The following NAP1L1 variants were observed in gnomAD, a reference collection of about 807,000 sequenced individuals.
NAP1L1 encodes nucleosome assembly protein 1-like 1.
Under a neutral mutation model 58.9 loss-of-function variants are expected in NAP1L1, and 9 were observed. That is an observed-to-expected ratio of 0.15 (90% CI 0.09 to 0.27). The LOEUF is 0.27. Among genes scored for constraint, NAP1L1 ranks in the 10% least tolerant of loss-of-function variants. The pLI, the probability that NAP1L1 is intolerant of heterozygous loss-of-function variation, is 1.00. For missense variants in NAP1L1, 302 were observed against 458.8 expected (o/e 0.66, Z 3.12); for synonymous variants, 130 against 138.3 (o/e 0.94, Z 0.42).
At position 76,048,213 on chromosome 12, in the gene NAP1L1, T is replaced by C. The variant is rs1948665232; in HGVS notation, c.*216A>G. The stretch of plus-strand genomic sequence containing the variant: ...CAAATTATGTAGCAATGAATGAACA[T>C]GCGTGACAGAATTTGTGCATTCAAC... On this transcript the variant is annotated 3_prime_UTR_variant, in exon 15 of 15. Transcript: ENST00000618691. 8 of 487,118 alleles carry C rather than the reference T, an allele frequency of 1.6e-5. No homozygotes were observed. Among genetic ancestry groups the C allele is most frequent in the Non-Finnish European group, 2.2e-5 (6 of 275,596 alleles). The allele number at this position is 487,118 out of a possible 1,614,324, so 30.2% of individuals were successfully genotyped here.
chr12:76,064,033 T>G (rs1463887419), intron 4 of NAP1L1, among the ~76,000 whole-genome samples: 1 of 151,096 alleles, frequency 6.6e-6, no homozygotes, highest in African/African-American at 2.4e-5. Flanking sequence ...CCAGGCATGA[T>G]GATATGTACC....
chr12:76,050,707 A>C (rs971403835), intron 11 of NAP1L1, 54 bp from the exon 12 acceptor site: 2 of 1,565,494 alleles, frequency 1.3e-6, no homozygotes, highest in Admixed American at 1.9e-5. Flanking sequence ...GTGTTACTTA[A>C]TTTGGCACAT....
intron 1 of NAP1L1, among the ~76,000 whole-genome samples, chr12:76,081,705 A>C (rs1179669597): frequency 1.3e-5 from 2 of 152,258 alleles, no homozygotes; most frequent in East Asian, 3.8e-4. Context: ...GCCATTTTCT[A>C]TGGCAAGCCC....
In NAP1L1 at chr12:76,045,184, A is replaced by T. The variant is rs1948588342; in HGVS notation, c.*3245T>A. On this transcript the variant is annotated 3_prime_UTR_variant, in exon 15 of 15. Coordinates refer to ENST00000618691, the MANE Select transcript of NAP1L1 (RefSeq NM_004537.7). ...TCTAAAGCTCCTATGAAGAACTTAC[A>T]CTCTTCTGCACTACCAATCTATTCT... The T allele has an allele frequency of 6.6e-6, 1 of 152,002 alleles. No homozygotes were observed. The highest frequency in any genetic ancestry group is 1.5e-5 in the Non-Finnish European group (1 of 67,932). The allele number at this position is 152,002 out of a possible 1,614,324, so 9.4% of individuals were successfully genotyped here.
At chr12:76,053,070 A>C in intron 11 of NAP1L1, 21 bp downstream of exon 11, 8 of 1,590,884 alleles carry the variant, frequency 5.0e-6, no homozygotes, top group Non-Finnish European at 6.9e-6. Flanking sequence ...AATTCAATAA[A>C]TATATAACAA....
At chr12:76,054,111 C>T (rs139208450) in intron 8 of NAP1L1, among the ~76,000 whole-genome samples, 1 of 152,200 alleles carries the variant, frequency 6.6e-6, no homozygotes, top group Non-Finnish European at 1.5e-5. Context: ...CTCACTGCAA[C>T]CTTTGCCTCC....
In NAP1L1 at chr12:76,069,608, G is replaced by A. The variant is rs1351191530; in HGVS notation, c.18-614C>T. 3.9e-5 allele frequency among the ~76,000 whole-genome samples: 6 copies of A among 152,300 alleles called. No homozygotes were observed. The East Asian group carries it at 1.2e-3, about 29-fold the overall frequency. On this transcript the variant is annotated intron_variant, in intron 2 of 14. Transcript: ENST00000618691. ...CACCAGCTAAAGAAAAAGGAGTTAG[G>A]AAAACAGAAGAGTCCTGGATCCCTT... is the stretch of plus-strand genomic sequence containing the variant.
At chr12:76,057,117 A>G in intron 6 of NAP1L1, 1 of 186,206 alleles carries the variant, frequency 5.4e-6, no homozygotes. Flanking sequence ...CCTAGGCAAG[A>G]AGACTCTGCC....
intron 6 of NAP1L1, chr12:76,057,559 T>C (rs914277453): frequency 4.5e-6 from 4 of 880,304 alleles, no homozygotes; most frequent in Non-Finnish European, 7.5e-6. Context: ...CGTTTCCGAT[T>C]CCAATAGGGC....
intron 1 of NAP1L1, among the ~76,000 whole-genome samples, chr12:76,078,992 T>TACACACACACACACACACACACACAC (rs753522753): frequency 2.0e-5 from 3 of 149,374 alleles, no homozygotes; most frequent in African/African-American, 7.6e-5. Context: ...CATATATATA[T>TACACACACACACACACACACACACAC]ATACACACAC....
chr12:76,037,337 T>C lies in NAP1L1; in HGVS notation c.*11092A>G, dbSNP rs1166064624. On this transcript the variant is annotated 3_prime_UTR_variant, in exon 15 of 15. Coordinates refer to ENST00000618691, the MANE Select transcript of NAP1L1 (RefSeq NM_004537.7). Reference sequence around the variant, plus strand: ...GTAACAGCTTAAAGCAAGTGCTTTATAATGAGTGCTTAGCGCTTTTTTTTA... The same window carrying C: ...GTAACAGCTTAAAGCAAGTGCTTTACAATGAGTGCTTAGCGCTTTTTTTTA... The C allele has an allele frequency of 6.6e-6, 1 of 152,248 alleles. No homozygotes were observed. The highest frequency in any genetic ancestry group is 2.4e-5 in the African/African-American group (1 of 41,442). The allele number at this position is 152,248 out of a possible 1,614,324, so 9.4% of individuals were successfully genotyped here.
chr12:76,072,918 A>G (rs1421442092), intron 2 of NAP1L1, among the ~76,000 whole-genome samples: 1 of 152,228 alleles, frequency 6.6e-6, no homozygotes, highest in East Asian at 1.9e-4. Flanking sequence ...AGGTACTAAC[A>G]AACCGAGAAA....
At chr12:76,048,932 C>T (rs1948699208) in intron 14 of NAP1L1, 4 of 487,568 alleles carry the variant, frequency 8.2e-6, no homozygotes, top group Non-Finnish European at 1.1e-5. Context: ...TGTTACAAAT[C>T]GTCCCATTAA....
chr12:76,063,721 G>A (rs538637761), intron 4 of NAP1L1, among the ~76,000 whole-genome samples: 69 of 151,636 alleles, frequency 4.6e-4, no homozygotes, highest in African/African-American at 1.5e-3. Context: ...CACTTGAGCC[G>A]AAGGATGAGG....
chr12:76,053,435 T>C, intron 9 of NAP1L1, 85 bp from the exon 10 acceptor site: 1 of 1,471,156 alleles, frequency 6.8e-7, no homozygotes, highest in Non-Finnish European at 9.2e-7. Flanking sequence ...TATTTAGATT[T>C]CAAATTTTAG....
Position 76,037,076 on chromosome 12 carries a change from TAATTA to T in NAP1L1, c.*11348_*11352del, listed in dbSNP as rs1282696574. The T allele has an allele frequency of 6.6e-6, 1 of 152,048 alleles. No individual in the cohort carries two copies. Among genetic ancestry groups the T allele is most frequent in the Admixed American group, 6.6e-5 (1 of 15,256 alleles). The allele number at this position is 152,048 out of a possible 1,614,324, so 9.4% of individuals were successfully genotyped here. On this transcript the variant is annotated 3_prime_UTR_variant, in exon 15 of 15. Coordinates refer to ENST00000618691, the MANE Select transcript of NAP1L1 (RefSeq NM_004537.7). ...GAGCGAGAATCTGTCTCAAAATAAATAATTAAATAAATAAACAAATAGTCTCACAG... is the reference window on the plus strand; with the variant it reads ...GAGCGAGAATCTGTCTCAAAATAAATAATAAATAAACAAATAGTCTCACAG...
chr12:76,074,510 T>C (rs1160818754), intron 1 of NAP1L1: 3 of 209,810 alleles, frequency 1.4e-5, no homozygotes, highest in Non-Finnish European at 2.5e-5. Flanking sequence ...ACTATGATAA[T>C]AGCACCATTG....
In NAP1L1 at chr12:76,043,001, T is replaced by C. The variant is rs1412034394; in HGVS notation, c.*5428A>G. 1 of 152,260 alleles carries C rather than the reference T, an allele frequency of 6.6e-6. No individual in the cohort carries two copies. Among genetic ancestry groups the C allele is most frequent in the African/African-American group, 2.4e-5 (1 of 41,470 alleles). The allele number at this position is 152,260 out of a possible 1,614,324, so 9.4% of individuals were successfully genotyped here. A position where few individuals can be genotyped will look rare whatever the true frequency, so the allele number is the denominator to read the frequency against. ...CTGGAGTTTGACTAAGGGGATTCAC[T>C]GCAGATAAAACTTTATTCAGCAATT... On this transcript the variant is annotated 3_prime_UTR_variant, in exon 15 of 15. Transcript: ENST00000618691.
Position 76,055,995 on chromosome 12 carries a change from C to A in NAP1L1, c.558+38G>T, listed in dbSNP as rs763200436. The stretch of plus-strand genomic sequence containing the variant: ...AGCCATTTAAACTTCAAAGGTTTAC[C>A]CTTCAAAGTAAACTGGTACATTTAT... On this transcript the variant is annotated intron_variant, in intron 7 of 14. Transcript: ENST00000618691. The A allele has an allele frequency of 1.9e-6, 3 of 1,601,558 alleles. No homozygotes were observed. The South Asian group carries it at 3.3e-5, about 18-fold the overall frequency.
Sources: gnomAD v4.1 joint callset for allele counts (sites outside exome capture counted in the v4.1 genomes callset) on GRCh38, gnomAD v4.1.1 for gene constraint, MANE v1.5 for transcripts, NCBI Gene and HGNC (gene_info 2026-07-23, HGNC 2026-07-21) for gene names.